PCDHGB7: variants seen among roughly 807,000 people sequenced by gnomAD.
The protein encoded by PCDHGB7 is protocadherin gamma-B7.
A neutral mutation model predicts 61.4 loss-of-function variants in PCDHGB7; 37 were observed. The ratio of observed to expected loss-of-function variants is 0.60; its 90% CI spans 0.46 to 0.79. The LOEUF is 0.79. Ranked by LOEUF, PCDHGB7 falls within the 30% of genes least tolerant of loss-of-function variation. The pLI, the probability that PCDHGB7 is intolerant of heterozygous loss-of-function variation, is 0.00. For synonymous variants in PCDHGB7, 464 were observed against 503.5 expected (o/e 0.92, Z 1.05); for missense variants, 1,166 against 1,202.5 (o/e 0.97, Z 0.45).
At chr5:141,445,169 T>C (rs2098458681) in intron 1 of PCDHGB7, among the ~76,000 whole-genome samples, 3 of 152,320 alleles carry the variant, frequency 2.0e-5, no homozygotes, top group Non-Finnish European at 1.5e-5. Flanking sequence ...TACAGAAAAA[T>C]GAAAAACTAT....
chr5:141,485,993 A>C lies in PCDHGB7; in HGVS notation c.2416-8814A>C. 6.2e-7 allele frequency: 1 copy of C among 1,614,210 alleles called. No homozygotes were observed. Among genetic ancestry groups the C allele is most frequent in the Non-Finnish European group, 8.5e-7 (1 of 1,180,028 alleles). On this transcript the variant is annotated intron_variant, in intron 1 of 3. Coordinates refer to ENST00000398594, the MANE Select transcript of PCDHGB7 (RefSeq NM_018927.4). The surrounding 1 kb of genome is among the most constrained non-coding windows in gnomAD (Gnocchi z 5.7). ...TGCCTCAGACCCGGACCTGGGTCCC[A>C]GTGGTAACGTCACCTTTTATTTCAG...
chr5:141,510,910 A>C (rs780792326), intron 3 of PCDHGB7, 37 bp from the exon 4 acceptor site: 4 of 1,613,740 alleles, frequency 2.5e-6, no homozygotes, highest in Admixed American at 3.3e-5. Flanking sequence ...GAGGACCCTA[A>C]GTTTAGCTCC....
chr5:141,468,282 G>A (rs1368214716), intron 1 of PCDHGB7, among the ~76,000 whole-genome samples: 1 of 140,012 alleles, frequency 7.1e-6, no homozygotes, highest in African/African-American at 2.7e-5. Context: ...CCGAGACCAC[G>A]CCATTGCACC....
In PCDHGB7 at chr5:141,511,098, T is replaced by G; in HGVS notation, c.2715T>G (p.Ala905=). 6.2e-7 allele frequency: 1 copy of G among 1,614,132 alleles called. No individual in the cohort carries two copies. The highest frequency in any genetic ancestry group is 8.5e-7 in the Non-Finnish European group (1 of 1,179,996). ...PGSNATLTNA[A]GKRDGKAPAG... is the part of the protein sequence containing the mutation. The stretch of plus-strand genomic sequence containing the variant: ...GCAATGCCACACTGACCAACGCAGC[T>G]GGCAAGCGGGATGGCAAGGCCCCAG... Residue 905 remains alanine, a synonymous_variant, in exon 4 of 4, where the codon GCT becomes GCG. Transcript: ENST00000398594.
At chr5:141,464,443 T>G (rs903733972) in intron 1 of PCDHGB7, among the ~76,000 whole-genome samples, 1 of 151,634 alleles carries the variant, frequency 6.6e-6, no homozygotes, top group African/African-American at 2.4e-5. Context: ...ATGTTTGTTG[T>G]TGTTGTTGTT....
At chr5:141,459,603 A>G (rs867387156) in intron 1 of PCDHGB7, among the ~76,000 whole-genome samples, 1 of 152,244 alleles carries the variant, frequency 6.6e-6, no homozygotes, top group Non-Finnish European at 1.5e-5. Flanking sequence ...AATGGGAAGT[A>G]TATGCTTAAC....
Position 141,432,014 on chromosome 5 carries a change from AACATC to A in PCDHGB7, c.2415+11744_2415+11748del. ...GGATAGGGAACAGGTTCCTAGCTAC[AACATC>A]ACAGTGACCGCCACTGACCGGGGAA... On this transcript the variant is annotated intron_variant, in intron 1 of 3. Transcript: ENST00000398594. This position sits in a 1 kb window ranked among gnomAD's most constrained non-coding sequence, Gnocchi z 6.0. 6.2e-7 allele frequency: 1 copy of A among 1,614,078 alleles called. No individual in the cohort carries two copies. The highest frequency in any genetic ancestry group is 8.5e-7 in the Non-Finnish European group (1 of 1,180,036).
intron 1 of PCDHGB7, chr5:141,439,815 T>C (rs1027862858): frequency 5.3e-5 from 8 of 152,314 alleles, no homozygotes; most frequent in African/African-American, 1.9e-4. Flanking sequence ...AAGGGGCTTA[T>C]TTGGGCTGGA....
chr5:141,501,333 A>ACACACACC (rs1186649373), intron 2 of PCDHGB7, among the ~76,000 whole-genome samples: 1 of 140,020 alleles, frequency 7.1e-6, no homozygotes, highest in African/African-American at 2.6e-5. Context: ...ACACACACAC[A>ACACACACC]CCCCAAACTC....
intron 1 of PCDHGB7, chr5:141,478,111 A>G (rs2099430294): frequency 1.2e-6 from 2 of 1,613,982 alleles, no homozygotes; most frequent in Admixed American, 1.7e-5. Context: ...TCACTGTGTC[A>G]GTAACCGAGG....
At chr5:141,427,924 G>A (rs1440880400) in intron 1 of PCDHGB7, 8 of 1,580,024 alleles carry the variant, frequency 5.1e-6, no homozygotes, top group East Asian at 2.2e-5. Context: ...ATGAGCCGGC[G>A]CATGTTGGTG....
chr5:141,491,662 A>C lies in PCDHGB7; in HGVS notation c.2416-3145A>C. 2 of 1,613,770 alleles carry C rather than the reference A, an allele frequency of 1.2e-6. No homozygotes were observed. The highest frequency in any genetic ancestry group is 1.7e-6 in the Non-Finnish European group (2 of 1,180,018). ...AGCTCTGGCGCTGGAGCCTGACGCC[A>C]TCCGGTCCCGCTCTAATACGCTGCG... On this transcript the variant is annotated intron_variant, in intron 1 of 3. Coordinates refer to ENST00000398594, the MANE Select transcript of PCDHGB7 (RefSeq NM_018927.4). This position sits in a 1 kb window ranked among gnomAD's most constrained non-coding sequence, Gnocchi z 6.9.
chr5:141,494,801 C>T lies in PCDHGB7; in HGVS notation c.2416-6C>T, dbSNP rs2099757031. ...CTCAGCCCCTTTCCCTCTGTTTTCTCCACAGCAAGCCCCGCCCAACACGGA... is the reference window on the plus strand; with the variant it reads ...CTCAGCCCCTTTCCCTCTGTTTTCTTCACAGCAAGCCCCGCCCAACACGGA... On this transcript the variant is annotated splice_polypyrimidine_tract_variant and splice_region_variant and intron_variant, in intron 1 of 3. Transcript: ENST00000398594. The T allele has an allele frequency of 6.2e-7, 1 of 1,614,146 alleles. No individual in the cohort carries two copies. The highest frequency in any genetic ancestry group is 2.2e-5 in the East Asian group (1 of 44,880).
chr5:141,437,892 C>A (rs2097916583), intron 1 of PCDHGB7, among the ~76,000 whole-genome samples: 2 of 152,116 alleles, frequency 1.3e-5, no homozygotes, highest in Admixed American at 1.3e-4. Context: ...CACACGCCAC[C>A]ACACCCAGCT....
intron 1 of PCDHGB7, chr5:141,440,531 C>G (rs931337116): frequency 6.6e-6 from 1 of 152,272 alleles, no homozygotes; most frequent in Middle Eastern, 3.4e-3. Flanking sequence ...GAATCATGCA[C>G]CACGGTTCAG....
At chr5:141,444,056 A>G (rs1055292734) in intron 1 of PCDHGB7, among the ~76,000 whole-genome samples, 7 of 151,740 alleles carry the variant, frequency 4.6e-5, no homozygotes, top group Non-Finnish European at 7.4e-5. Context: ...GGCATCTTCA[A>G]TCTAGATTCT....
chr5:141,430,433 T>C (rs1371764261), intron 1 of PCDHGB7, among the ~76,000 whole-genome samples: 2 of 151,080 alleles, frequency 1.3e-5, no homozygotes, highest in Admixed American at 6.6e-5. Context: ...ATACGGTAGA[T>C]TTCCATCCCC....
chr5:141,428,199 C>T (rs760718878), intron 1 of PCDHGB7: 28 of 1,364,510 alleles, frequency 2.1e-5, no homozygotes, highest in Non-Finnish European at 2.9e-5. Flanking sequence ...CTCTCTGCGC[C>T]GCTACGCTTC....
chr5:141,419,461 C>T lies in PCDHGB7; in HGVS notation c.1602C>T (p.Ala534=). The change falls in exon 1 of 4, where the codon GCC becomes GCT. Residue 534 remains alanine (A), a synonymous_variant. Coordinates refer to ENST00000398594, the MANE Select transcript of PCDHGB7 (RefSeq NM_018927.4). ...GCACCTTCGAGCTCACGCTGCAGGC[C>T]CGCGACCAGGGCTCGCCCGCGCTCA... ...QLRTFELTLQ[A]RDQGSPALSA... is the part of the protein sequence containing the mutation. The T allele has an allele frequency of 1.2e-6, 2 of 1,612,628 alleles. No homozygotes were observed. Among genetic ancestry groups the T allele is most frequent in the Non-Finnish European group, 1.7e-6 (2 of 1,179,580 alleles).
Sources: allele counts gnomAD v4.1 joint callset (sites outside exome capture counted in the v4.1 genomes callset), GRCh38; gene constraint gnomAD v4.1.1; non-coding constraint Gnocchi (gnomAD v3.1); transcripts MANE v1.5; gene names NCBI Gene and HGNC (gene_info 2026-07-23, HGNC 2026-07-21).